Variants in PRKAA2 observed in about 807,000 individuals in gnomAD.
PRKAA2 encodes the protein protein kinase AMP-activated catalytic subunit alpha 2.
PRKAA2 carries 40 observed loss-of-function variants against 56.3 expected under a neutral mutation model. The ratio of observed to expected loss-of-function variants is 0.71; its 90% CI spans 0.55 to 0.92. The LOEUF (loss-of-function observed/expected upper bound fraction) is 0.92, where lower values mean the gene tolerates loss of function less well. Ranked by LOEUF, PRKAA2 falls within the 40% of genes least tolerant of loss-of-function variation. The pLI, the probability that PRKAA2 is intolerant of heterozygous loss-of-function variation, is 0.00. For missense variants in PRKAA2, 542 were observed against 686.9 expected (o/e 0.79, Z 2.36); for synonymous variants, 214 against 234.2 (o/e 0.91, Z 0.79).
At chr1:56,659,282 A>G (rs1054330099) in intron 1 of PRKAA2, among the ~76,000 whole-genome samples, 1 of 151,530 alleles carries the variant, frequency 6.6e-6, no homozygotes, top group Non-Finnish European at 1.5e-5. Flanking sequence ...ATCACATGAG[A>G]GGCCAGGCAT....
intron 3 of PRKAA2, among the ~76,000 whole-genome samples, chr1:56,692,028 A>ATTTTTT (rs397863487): frequency 3.5e-5 from 4 of 112,800 alleles, no homozygotes; most frequent in African/African-American, 3.4e-5. Context: ...GATGTCTCAG[A>ATTTTTT]TTTTTTTTTT....
chr1:56,681,443 C>T (rs1447257552), intron 2 of PRKAA2, among the ~76,000 whole-genome samples: 1 of 152,156 alleles, frequency 6.6e-6, no homozygotes, highest in Non-Finnish European at 1.5e-5. Context: ...TGCCTATGTC[C>T]TGAATGGTAT....
rs1644003211 is a variant in PRKAA2 at position 56,662,537 on chromosome 1, C to T, written c.95-11844C>T. ...AGCTCATGTGATCCTCCTGCCTTGG[C>T]CTCCCAAAGTGCTAGGATTGATTGC... On this transcript the variant is annotated intron_variant, in intron 1 of 8. Transcript: ENST00000371244. Among the ~76,000 whole-genome samples the T allele has an allele frequency of 2.0e-5, 3 of 152,146 alleles. No individual in the cohort carries two copies. The South Asian group carries it at 6.2e-4, about 32-fold the overall frequency.
intron 2 of PRKAA2, among the ~76,000 whole-genome samples, chr1:56,686,089 G>T (rs1286500738): frequency 6.6e-6 from 1 of 152,072 alleles, no homozygotes; most frequent in Non-Finnish European, 1.5e-5. Flanking sequence ...TAATAACCAA[G>T]ACATTAATTA....
chr1:56,690,364 C>T (rs1047404176), intron 2 of PRKAA2, among the ~76,000 whole-genome samples: 22 of 152,040 alleles, frequency 1.4e-4, no homozygotes, highest in African/African-American at 5.3e-4. Context: ...GGGGTTTCAC[C>T]GTGTTTGGTT....
rs146871278 is a variant in PRKAA2, at chr1:56,664,807, T to C, written c.95-9574T>C. Among the ~76,000 whole-genome samples the C allele has an allele frequency of 3.3e-3, 505 of 151,542 alleles. 7 individuals are homozygous for C. Among genetic ancestry groups the C allele is most frequent in the African/African-American group, 0.012 (479 of 41,242 alleles). The stretch of plus-strand genomic sequence containing the variant: ...TTAAATTAAAAAATATATAAAGTGC[T>C]TAATGCATTTATATACATAGAAACA... On this transcript the variant is annotated intron_variant, in intron 1 of 8. Transcript: ENST00000371244.
At chr1:56,668,320 C>T (rs1400303573) in intron 1 of PRKAA2, among the ~76,000 whole-genome samples, 2 of 149,838 alleles carry the variant, frequency 1.3e-5, no homozygotes, top group African/African-American at 2.5e-5. Flanking sequence ...TGTTAGATGA[C>T]GAGTTAGTGG....
At chr1:56,656,937 A>G (rs1194106949) in intron 1 of PRKAA2, among the ~76,000 whole-genome samples, 5 of 152,364 alleles carry the variant, frequency 3.3e-5, no homozygotes, top group Non-Finnish European at 2.9e-5. Flanking sequence ...CAGGTAATAC[A>G]TAATTCCAGA....
At chr1:56,652,186 G>T (rs1317528784) in intron 1 of PRKAA2, among the ~76,000 whole-genome samples, 2 of 151,456 alleles carry the variant, frequency 1.3e-5, no homozygotes, top group African/African-American at 4.9e-5. Flanking sequence ...CTAATTTTTT[G>T]TATTGTAGTA....
chr1:56,715,154 A>T lies in PRKAA2; in HGVS notation c.*7441A>T, dbSNP rs541841199. On this transcript the variant is annotated 3_prime_UTR_variant, in exon 9 of 9. Transcript: ENST00000371244. ...GGGAAGGATTTGTCTTTCATTAACC[A>T]TATGGAAAAGATGTCTTCCTGAATT... 1.3e-5 allele frequency: 2 copies of T among 152,298 alleles called. No individual in the cohort carries two copies. Among genetic ancestry groups the T allele is most frequent in the South Asian group, 4.1e-4 (2 of 4,828 alleles). The allele number at this position is 152,298 out of a possible 1,614,324, so 9.4% of individuals were successfully genotyped here.
rs985713975 is a variant in PRKAA2 at position 56,657,513 on chromosome 1, T to G, written c.94+12032T>G. 2.6e-5 allele frequency among the ~76,000 whole-genome samples: 4 copies of G among 151,982 alleles called. No individual in the cohort carries two copies. In the South Asian group the frequency reaches 6.2e-4, roughly 24 times the overall value. On this transcript the variant is annotated intron_variant, in intron 1 of 8. Transcript: ENST00000371244. The stretch of plus-strand genomic sequence containing the variant: ...CAACATGGTGAAACCCCATCTTTAC[T>G]GAAAATACAAAAATTGGCCAGATGT...
At chr1:56,697,763 G>T (rs1035348858) in intron 6 of PRKAA2, among the ~76,000 whole-genome samples, 1 of 151,914 alleles carries the variant, frequency 6.6e-6, no homozygotes, top group Non-Finnish European at 1.5e-5. Context: ...AGAAGGTCAA[G>T]ACTAGCCTGG....
chr1:56,674,912 A>G (rs1463727927), intron 2 of PRKAA2, among the ~76,000 whole-genome samples: 2 of 152,022 alleles, frequency 1.3e-5, no homozygotes, highest in Non-Finnish European at 2.9e-5. Context: ...AATTTTCACT[A>G]ACATTCAGGG....
rs190670050 is a variant in PRKAA2 at position 56,693,416 on chromosome 1, C to G, written c.476-349C>G. 3.1e-3 allele frequency among the ~76,000 whole-genome samples: 467 copies of G among 152,162 alleles called. 1 individual carries two copies. Among genetic ancestry groups the G allele is most frequent in the Non-Finnish European group, 4.6e-3 (316 of 68,000 alleles). On this transcript the variant is annotated intron_variant, in intron 4 of 8. Transcript: ENST00000371244. ...GCACAGGGCAAAAAAGTAGTAGTCT[C>G]TATTTTATTCTTTCAACTATGGAAA...
chr1:56,695,387 C>T (rs1557560104), intron 5 of PRKAA2, among the ~76,000 whole-genome samples: 1 of 151,702 alleles, frequency 6.6e-6, no homozygotes, highest in Non-Finnish European at 1.5e-5. Flanking sequence ...AACAGCGTTT[C>T]ACCATGTTGC....
chr1:56,703,165 G>A (rs955700287), intron 6 of PRKAA2, among the ~76,000 whole-genome samples: 1 of 152,140 alleles, frequency 6.6e-6, no homozygotes, highest in African/African-American at 2.4e-5. Flanking sequence ...ATAAGGCTTA[G>A]GAGAGCAGTT....
chr1:56,674,824 A>T (rs1483131002), intron 2 of PRKAA2, among the ~76,000 whole-genome samples: 1 of 152,042 alleles, frequency 6.6e-6, no homozygotes, highest in Non-Finnish European at 1.5e-5. Context: ...CACATTTAGA[A>T]GTTGATTCTT....
chr1:56,672,181 C>T (rs1020321042), intron 1 of PRKAA2, among the ~76,000 whole-genome samples: 1 of 151,996 alleles, frequency 6.6e-6, no homozygotes, highest in Non-Finnish European at 1.5e-5. Context: ...GCAGTGGCAC[C>T]ATCTTGGGTT....
intron 1 of PRKAA2, among the ~76,000 whole-genome samples, chr1:56,669,030 T>C (rs991896353): frequency 1.3e-5 from 2 of 152,194 alleles, no homozygotes; most frequent in Non-Finnish European, 2.9e-5. Flanking sequence ...GGGATATCAT[T>C]AGGAAAGTCT....
Sources: allele counts gnomAD v4.1 joint callset (sites outside exome capture counted in the v4.1 genomes callset), GRCh38; gene constraint gnomAD v4.1.1; transcripts MANE v1.5; gene names NCBI Gene and HGNC (gene_info 2026-07-23, HGNC 2026-07-21).